Variants in RC3H2 observed in about 807,000 individuals in gnomAD.
RC3H2 encodes ring finger and CCCH-type domains 2, also known as roquin-2.
In RC3H2, 31 loss-of-function variants were observed where a neutral mutation model predicts 133.3. The ratio of observed to expected loss-of-function variants is 0.23; its 90% confidence interval spans 0.17 to 0.31. RC3H2 has a LOEUF of 0.31. Ranked by LOEUF, RC3H2 falls within the 10% of genes least tolerant of loss-of-function variation. RC3H2 has a pLI of 1.00. For synonymous variants in RC3H2, 517 were observed against 502.2 expected (o/e 1.03, Z -0.40); for missense variants, 1,175 against 1,437.2 (o/e 0.82, Z 2.95).
intron 12 of RC3H2, 25 bp from the exon 13 acceptor site, chr9:122,858,118 C>A: frequency 6.2e-7 from 1 of 1,606,888 alleles, no homozygotes; most frequent in Non-Finnish European, 8.5e-7. Context: ...AAGAAACAAT[C>A]TTAATCATCT....
chr9:122,901,928 C>CTTTTTT (rs542589870), intron 1 of RC3H2, among the ~76,000 whole-genome samples: 1 of 116,882 alleles, frequency 8.6e-6, no homozygotes, highest in Non-Finnish European at 1.8e-5. Flanking sequence ...ATAACTACTT[C>CTTTTTT]TTTTTTTTTT....
intron 6 of RC3H2, chr9:122,880,345 C>T: frequency 1.3e-6 from 1 of 767,758 alleles, no homozygotes; most frequent in Non-Finnish European, 2.3e-6. Flanking sequence ...TCTCTGAGGT[C>T]AGAATATAGA....
chr9:122,890,312 C>A lies in RC3H2; in HGVS notation c.583G>T (p.Ala195Ser). 6.2e-7 allele frequency: 1 copy of A among 1,613,590 alleles called. No individual in the cohort carries two copies. Among genetic ancestry groups the A allele is most frequent in the Non-Finnish European group, 8.5e-7 (1 of 1,179,566 alleles). Reference sequence around the variant, plus strand: ...AAGGTAAGATAGTAACCTATCTTACCTGGCCCTAAAAACTGGCATCCTCGA... The same window carrying A: ...AAGGTAAGATAGTAACCTATCTTACATGGCCCTAAAAACTGGCATCCTCGA... ...RARGCQFLGP[A>S]MQEEALKLVL... The change falls in exon 4 of 21, where the codon GCT becomes TCT. Residue 195 changes from alanine (A) to serine (S), a missense_variant and splice_region_variant. Physicochemically the swap from Ala to Ser is moderately conservative, Grantham distance 99. This residue lies in a region of RC3H2 where 121 missense variants were observed against 243.5 expected (regional missense o/e 0.50). Coordinates refer to ENST00000357244, the MANE Select transcript of RC3H2 (RefSeq NM_001100588.3).
chr9:122,900,348 A>G (rs1832608415), intron 1 of RC3H2, among the ~76,000 whole-genome samples: 1 of 152,156 alleles, frequency 6.6e-6, no homozygotes, highest in South Asian at 2.1e-4. Context: ...ATACGATCAG[A>G]TGTAAGAAAC....
At chr9:122,896,989 G>A (rs1431191603) in intron 2 of RC3H2, among the ~76,000 whole-genome samples, 2 of 124,728 alleles carry the variant, frequency 1.6e-5, no homozygotes, top group African/African-American at 3.2e-5. Context: ...TCACGCCACT[G>A]CACACCAGCC....
intron 9 of RC3H2, among the ~76,000 whole-genome samples, chr9:122,872,090 T>C (rs1831127417): frequency 6.6e-6 from 1 of 152,180 alleles, no homozygotes; most frequent in Admixed American, 6.5e-5. Context: ...CAATTATTAT[T>C]TGTTGCATTA....
intron 1 of RC3H2, among the ~76,000 whole-genome samples, chr9:122,901,623 A>G (rs1588119422): frequency 7.6e-6 from 1 of 131,316 alleles, no homozygotes; most frequent in Admixed American, 9.2e-5. Context: ...GAGGAGTCTC[A>G]CTCTGTTGCC....
rs192258415 is a variant in RC3H2, at chr9:122,859,799, T to A, written c.1849+118A>T. 76 of 856,804 alleles carry A rather than the reference T, an allele frequency of 8.9e-5. No individual in the cohort carries two copies. In the African/African-American group the frequency reaches 9.3e-4, roughly 10 times the overall value. The allele number at this position is 856,804 out of a possible 1,614,324, so 53.1% of individuals were successfully genotyped here. A position where few individuals can be genotyped will look rare whatever the true frequency, so the allele number is the denominator to read the frequency against. On this transcript the variant is annotated intron_variant, in intron 11 of 20. Transcript: ENST00000357244. ...ATCCTTGGGGAAGGAAAAAAACTTA[T>A]GAGTCACATAGTCAAAAGGATTAAT...
At chr9:122,851,004 C>T in intron 20 of RC3H2, 77 bp downstream of exon 20, 1 of 1,531,882 alleles carries the variant, frequency 6.5e-7, no homozygotes, top group Non-Finnish European at 8.9e-7. Context: ...AGCATAAAGC[C>T]AAAAATTAAT....
rs1471081021 is a variant in RC3H2 at position 122,880,055 on chromosome 9, G to A, written c.1031C>T (p.Pro344Leu). The A allele has an allele frequency of 1.2e-6, 2 of 1,614,094 alleles. No homozygotes were observed. The highest frequency in any genetic ancestry group is 4.5e-5 in the East Asian group (2 of 44,886). The change falls in exon 7 of 21, where the codon CCA becomes CTA. Residue 344 changes from proline (P) to leucine (L), a missense_variant. By Grantham distance (98) the Pro-to-Leu change is moderately conservative. Coordinates refer to ENST00000357244, the MANE Select transcript of RC3H2 (RefSeq NM_001100588.3). Reference sequence around the variant, plus strand: ...AGGCCTCAGTCTATTTAAGTTAGCTGGGTCACCTGTTCGTTGCAAAACAAT... The same window carrying A: ...AGGCCTCAGTCTATTTAAGTTAGCTAGGTCACCTGTTCGTTGCAAAACAAT... The part of the protein sequence containing the change: ...LTIVLQRTGD[P>L]ANLNRLRPHL...
At chr9:122,873,032 A>G (rs1831165034) in intron 9 of RC3H2, among the ~76,000 whole-genome samples, 1 of 152,244 alleles carries the variant, frequency 6.6e-6, no homozygotes, top group South Asian at 2.1e-4. Flanking sequence ...ATGTTTACAT[A>G]TAATAAATAT....
At chr9:122,873,475 G>A (rs1320249194) in intron 9 of RC3H2, among the ~76,000 whole-genome samples, 2 of 152,170 alleles carry the variant, frequency 1.3e-5, no homozygotes, top group African/African-American at 2.4e-5. Context: ...CACTTTGGGA[G>A]GCTGAGGTGG....
In RC3H2 at chr9:122,870,549, T is replaced by C. The variant is rs1474681125; in HGVS notation, c.1326-4892A>G. On this transcript the variant is annotated intron_variant, in intron 9 of 20. Transcript: ENST00000357244. Reference sequence around the variant, plus strand: ...CAAGTGAGGTAAAGCAAGTGACAAGTAGGGATATACACTGAATTCTTAGTA... The same window carrying C: ...CAAGTGAGGTAAAGCAAGTGACAAGCAGGGATATACACTGAATTCTTAGTA... Among the ~76,000 whole-genome samples, 2 of 152,166 alleles carry C rather than the reference T, an allele frequency of 1.3e-5. 1 individual carries two copies. The highest frequency in any genetic ancestry group is 1.3e-4 in the Admixed American group (2 of 15,280).
chr9:122,854,943 ACTCT>A (rs1422220730), intron 15 of RC3H2, among the ~76,000 whole-genome samples: 2 of 151,540 alleles, frequency 1.3e-5, no homozygotes, highest in African/African-American at 4.9e-5. Context: ...AATACAAAAT[ACTCT>A]CTACTAAAAA....
chr9:122,870,420 AAAAC>A (rs1831032892), intron 9 of RC3H2, among the ~76,000 whole-genome samples: 2 of 151,614 alleles, frequency 1.3e-5, no homozygotes, highest in Non-Finnish European at 1.5e-5. Context: ...AAACAAAAAA[AAAAC>A]AACAAACTGA....
chr9:122,855,146 T>C lies in RC3H2; in HGVS notation c.2815+38A>G, dbSNP rs765475418. Reference sequence around the variant, plus strand: ...AAAAAAAAAAAAAAGGCATAGTGCTTAGAACATATCAGGCTAGGTATTATC... The same window carrying C: ...AAAAAAAAAAAAAAGGCATAGTGCTCAGAACATATCAGGCTAGGTATTATC... On this transcript the variant is annotated intron_variant, in intron 15 of 20. Transcript: ENST00000357244. 8.3e-6 allele frequency: 12 copies of C among 1,444,852 alleles called. No individual in the cohort carries two copies. In the South Asian group the frequency reaches 1.4e-4, roughly 17 times the overall value. 89.5% of individuals were successfully genotyped at this position (1,444,852 alleles called of 1,614,324 possible). A position where few individuals can be genotyped will look rare whatever the true frequency, so the allele number is the denominator to read the frequency against.
At chr9:122,865,722 G>T in intron 9 of RC3H2, 65 bp from the exon 10 acceptor site, 1 of 1,325,244 alleles carries the variant, frequency 7.5e-7, no homozygotes, top group Non-Finnish European at 1.1e-6. Context: ...ACAAAAAATG[G>T]CAATGGGCAA....
intron 4 of RC3H2, among the ~76,000 whole-genome samples, chr9:122,886,274 A>ATTG (rs1564311743): frequency 3.9e-5 from 6 of 152,170 alleles, no homozygotes; most frequent in Admixed American, 1.3e-4. Context: ...CTATTTATGG[A>ATTG]TACATTACAT....
chr9:122,860,101 T>A lies in RC3H2; in HGVS notation c.1665A>T (p.Val555=). The change falls in exon 11 of 21, where the codon GTA becomes GTT. Residue 555 remains valine, a synonymous_variant. Coordinates refer to ENST00000357244, the MANE Select transcript of RC3H2 (RefSeq NM_001100588.3). ...NKIGSPPKTP[V]SNVAATSAGP... is the part of the protein sequence containing the mutation. ...CAGCTGAGGTAGCTGCTACATTACTTACAGGAGTCTTGGGTGGAGAACCAA... is the reference window on the plus strand; with the variant it reads ...CAGCTGAGGTAGCTGCTACATTACTAACAGGAGTCTTGGGTGGAGAACCAA... The A allele has an allele frequency of 3.1e-6, 5 of 1,614,122 alleles. No individual in the cohort carries two copies. The highest frequency in any genetic ancestry group is 4.2e-6 in the Non-Finnish European group (5 of 1,180,004).
Sources: gnomAD v4.1 joint callset for allele counts (sites outside exome capture counted in the v4.1 genomes callset) on GRCh38, gnomAD v4.1.1 for gene constraint, gnomAD v4.1.1 regional missense constraint, MANE v1.5 for transcripts, NCBI Gene and HGNC (gene_info 2026-07-23, HGNC 2026-07-21) for gene names.